GAS6: variants seen among roughly 807,000 people sequenced by gnomAD.
GAS6 encodes growth arrest-specific protein 6.
GAS6 carries 41 observed loss-of-function variants against 75.8 expected under a neutral mutation model. The observed-to-expected ratio is 0.54, with a 90% CI of 0.42 to 0.70. GAS6 has a LOEUF of 0.70. Ranked by LOEUF, GAS6 falls within the 30% of genes least tolerant of loss-of-function variation. GAS6 has a pLI of 0.00. For missense variants in GAS6, 854 were observed against 940.2 expected (o/e 0.91, Z 1.20); for synonymous variants, 432 against 412.6 (o/e 1.05, Z -0.57).
chr13:113,828,748 G>A (rs1163822825), intron 10 of GAS6, 37 bp from the exon 11 acceptor site: 2 of 1,600,754 alleles, frequency 1.2e-6, no homozygotes, highest in Non-Finnish European at 1.7e-6. Context: ...AGATGGGAGT[G>A]CACGTTCTGA....
chr13:113,838,741 G>T (rs183817386), intron 5 of GAS6, among the ~76,000 whole-genome samples: 5 of 130,018 alleles, frequency 3.8e-5, no homozygotes, highest in African/African-American at 1.5e-4. Context: ...GGAAGGAGCC[G>T]GGGGGGTGCA....
intron 12 of GAS6, among the ~76,000 whole-genome samples, chr13:113,824,281 G>A (rs1357414866): frequency 5.0e-5 from 7 of 139,352 alleles, no homozygotes; most frequent in Non-Finnish European, 1.1e-4. Context: ...TGAGCTGTCG[G>A]GAGCACGCGC....
In GAS6 at chr13:113,823,224, A is replaced by C; in HGVS notation, c.1653+151T>G. 1.1e-5 allele frequency: 9 copies of C among 832,392 alleles called. No homozygotes were observed. The South Asian group carries it at 1.8e-4, about 17-fold the overall frequency. The allele number at this position is 832,392 out of a possible 1,614,324, so 51.6% of individuals were successfully genotyped here. On this transcript the variant is annotated intron_variant, in intron 13 of 14. Transcript: ENST00000327773. Reference sequence around the variant, plus strand: ...ACCCCCGCAGCCCGAAGCGTGGCCCACGCCGGGCTTGGCTCATCAGACCTC... The same window carrying C: ...ACCCCCGCAGCCCGAAGCGTGGCCCCCGCCGGGCTTGGCTCATCAGACCTC...
intron 2 of GAS6, among the ~76,000 whole-genome samples, chr13:113,857,468 C>T (rs997830808): frequency 2.6e-5 from 4 of 152,120 alleles, no homozygotes; most frequent in African/African-American, 7.2e-5. Context: ...TGGAAGAGTC[C>T]AGAGCATTTC....
intron 5 of GAS6, chr13:113,839,140 CAGAG>C: frequency 1.3e-5 from 2 of 157,240 alleles, no homozygotes; most frequent in African/African-American, 2.4e-5. Flanking sequence ...AAGGCCAGGC[CAGAG>C]CTGGCCACTC....
chr13:113,826,429 CGCA>C (rs1566354522), intron 12 of GAS6, among the ~76,000 whole-genome samples: 15 of 132,550 alleles, frequency 1.1e-4, no homozygotes, highest in East Asian at 6.4e-4. Flanking sequence ...GCGCTGGCCT[CGCA>C]GGCACCTTCT....
At chr13:113,846,825 T>C (rs1225657660) in intron 3 of GAS6, 2 of 559,494 alleles carry the variant, frequency 3.6e-6, no homozygotes, top group Non-Finnish European at 6.5e-6. Context: ...GTCAAGTGCG[T>C]AAAGCACCGC....
At chr13:113,824,514 G>A (rs1594188323) in intron 12 of GAS6, among the ~76,000 whole-genome samples, 1 of 152,146 alleles carries the variant, frequency 6.6e-6, no homozygotes, top group Non-Finnish European at 1.5e-5. Context: ...GGACTAAGAA[G>A]CCAGAAGAAA....
At chr13:113,821,823 C>T (rs2051462901) in intron 14 of GAS6, 135 bp downstream of exon 14, 2 of 688,720 alleles carry the variant, frequency 2.9e-6, no homozygotes, top group South Asian at 4.0e-5. Context: ...CTGGACTTCT[C>T]CTTCCTCTTA....
In GAS6 at chr13:113,828,077, C is replaced by CATCCCAGCTAAA. The variant is rs966347177; in HGVS notation, c.1308+469_1308+470insTTTAGCTGGGAT. 7.9e-5 allele frequency among the ~76,000 whole-genome samples: 12 copies of CATCCCAGCTAAA among 152,130 alleles called. No homozygotes were observed. In the East Asian group the frequency reaches 2.3e-3, roughly 29 times the overall value. On this transcript the variant is annotated intron_variant, in intron 11 of 14. Transcript: ENST00000327773. Reference sequence around the variant, plus strand: ...GTTCACGAGGTCAGAAGATCGAGACCACGGCGAAACCCCGTCTCTACTAAA... The same window carrying CATCCCAGCTAAA: ...GTTCACGAGGTCAGAAGATCGAGACCATCCCAGCTAAAACGGCGAAACCCCGTCTCTACTAAA...
intron 2 of GAS6, among the ~76,000 whole-genome samples, chr13:113,857,813 G>A (rs909950494): frequency 2.0e-5 from 3 of 152,262 alleles, no homozygotes; most frequent in Admixed American, 6.5e-5. Context: ...GGGTGAGGGT[G>A]TCGTGTGCAG....
At chr13:113,831,457 C>T (rs1004972485) in intron 10 of GAS6, among the ~76,000 whole-genome samples, 1 of 152,072 alleles carries the variant, frequency 6.6e-6, no homozygotes, top group South Asian at 2.1e-4. Flanking sequence ...GGTTCAGTGG[C>T]GGCCTCCTCC....
intron 2 of GAS6, among the ~76,000 whole-genome samples, chr13:113,857,304 G>A (rs1465617447): frequency 3.9e-5 from 6 of 152,102 alleles, no homozygotes; most frequent in Non-Finnish European, 8.8e-5. Flanking sequence ...AGAGTGAAAG[G>A]CAAAACTGAT....
intron 5 of GAS6, chr13:113,839,452 G>A (rs565407752): frequency 3.8e-5 from 15 of 393,440 alleles, no homozygotes; most frequent in African/African-American, 2.8e-4. Context: ...TGCACTCAAG[G>A]ACGGTCAGAG....
In GAS6 at chr13:113,848,142, GCTCTCGGGGCA is replaced by G; in HGVS notation, c.256-103_256-93del. On this transcript the variant is annotated intron_variant, in intron 2 of 14. Coordinates refer to ENST00000327773, the MANE Select transcript of GAS6 (RefSeq NM_000820.4). The surrounding 1 kb of genome is among the most constrained non-coding windows in gnomAD (Gnocchi z 4.8). ...AGCATCAGCTGGTTAATCAGAGGCTGCTCTCGGGGCAGCCAGAGGGCCGCCCCACCCGGGGA... is the reference window on the plus strand; with the variant it reads ...AGCATCAGCTGGTTAATCAGAGGCTGGCCAGAGGGCCGCCCCACCCGGGGA... The G allele has an allele frequency of 7.1e-7, 1 of 1,410,750 alleles. No individual in the cohort carries two copies. The highest frequency in any genetic ancestry group is 9.8e-7 in the Non-Finnish European group (1 of 1,019,400). The allele number at this position is 1,410,750 out of a possible 1,614,324, so 87.4% of individuals were successfully genotyped here.
At chr13:113,855,772 G>A (rs2051909681) in intron 2 of GAS6, among the ~76,000 whole-genome samples, 1 of 152,184 alleles carries the variant, frequency 6.6e-6, no homozygotes, top group African/African-American at 2.4e-5. Context: ...TAGTCGCCAA[G>A]AGTGCACGCA....
chr13:113,836,086 T>C, intron 6 of GAS6: 1 of 983,218 alleles, frequency 1.0e-6, no homozygotes, highest in Non-Finnish European at 1.2e-6. Flanking sequence ...GACTTGAGCA[T>C]CTAATGTGGG....
chr13:113,832,212 C>T (rs1023664286), intron 10 of GAS6, 87 bp downstream of exon 10: 2 of 1,421,646 alleles, frequency 1.4e-6, no homozygotes. Flanking sequence ...GAGCTCATCT[C>T]CTAACGGTTG....
chr13:113,850,939 G>A (rs2051868239), intron 2 of GAS6, among the ~76,000 whole-genome samples: 1 of 152,188 alleles, frequency 6.6e-6, no homozygotes, highest in Non-Finnish European at 1.5e-5. Context: ...GGATGAGTGA[G>A]CAGACAGATG....
Sources: allele counts gnomAD v4.1 joint callset (sites outside exome capture counted in the v4.1 genomes callset), GRCh38; gene constraint gnomAD v4.1.1; non-coding constraint Gnocchi (gnomAD v3.1); transcripts MANE v1.5; gene names NCBI Gene and HGNC (gene_info 2026-07-23, HGNC 2026-07-21).